Variants in RAB40C observed in about 807,000 individuals in gnomAD.
The protein encoded by RAB40C is RAB40C, member RAS oncogene family.
In RAB40C, 8 loss-of-function variants were observed where a neutral mutation model predicts 28.1. The ratio of observed to expected loss-of-function variants is 0.28; its 90% CI spans 0.17 to 0.51. The LOEUF (loss-of-function observed/expected upper bound fraction) is 0.51. Among genes scored for constraint, RAB40C ranks in the 20% least tolerant of loss-of-function variants. RAB40C has a pLI of 0.97. For missense variants in RAB40C, 288 were observed against 405.9 expected (o/e 0.71, Z 2.50); for synonymous variants, 201 against 171.7 (o/e 1.17, Z -1.34).
intron 1 of RAB40C, 35 bp downstream of exon 1, chr16:590,468 G>A (rs1211940948): frequency 1.3e-6 from 2 of 1,518,016 alleles, no homozygotes; most frequent in Non-Finnish European, 1.8e-6. Context: ...CTGCTACGCG[G>A]GGCCCGAGCC....
At chr16:603,099 T>C (rs919268189) in intron 1 of RAB40C, among the ~76,000 whole-genome samples, 1 of 152,212 alleles carries the variant, frequency 6.6e-6, no homozygotes, top group African/African-American at 2.4e-5. Flanking sequence ...CCTGTGTTTT[T>C]TGTTTTCTTA....
At chr16:624,427 A>G in intron 3 of RAB40C, 1 of 985,454 alleles carries the variant, frequency 1.0e-6, no homozygotes, top group Non-Finnish European at 1.2e-6. Flanking sequence ...CCTCAGCGAG[A>G]GGTGTCCTTC....
chr16:591,662 G>A (rs1209164033), intron 1 of RAB40C, among the ~76,000 whole-genome samples: 2 of 150,948 alleles, frequency 1.3e-5, no homozygotes, highest in Non-Finnish European at 2.9e-5. Context: ...CACAATTTCA[G>A]CTCACTGCAA....
chr16:626,933 C>T (rs2036850805), intron 5 of RAB40C, among the ~76,000 whole-genome samples: 1 of 152,176 alleles, frequency 6.6e-6, no homozygotes, highest in Admixed American at 6.5e-5. Flanking sequence ...CGAGACCCGT[C>T]TCAAAAAACA....
Position 610,955 on chromosome 16 carries a change from G to C in RAB40C, c.143-6253G>C, listed in dbSNP as rs973260620. Among the ~76,000 whole-genome samples the C allele has an allele frequency of 6.6e-6, 1 of 152,190 alleles. No homozygotes were observed. The highest frequency in any genetic ancestry group is 1.5e-5 in the Non-Finnish European group (1 of 68,046). On this transcript the variant is annotated intron_variant, in intron 1 of 5. Coordinates refer to ENST00000248139, the MANE Select transcript of RAB40C (RefSeq NM_021168.5). The surrounding 1 kb of genome is among the most constrained non-coding windows in gnomAD (Gnocchi z 4.6). ...CAAGACACTCGGCTGACTGTGCTTA[G>C]AGAACAGGCCGCTGTTTGTGTCTAA...
At chr16:622,944 CGA>C (rs1397449482) in intron 3 of RAB40C, among the ~76,000 whole-genome samples, 2 of 152,188 alleles carry the variant, frequency 1.3e-5, no homozygotes, top group African/African-American at 4.8e-5. Context: ...TGCTGGTCAC[CGA>C]GAGTCTCCTT....
At chr16:621,398 A>G (rs1370464362) in intron 3 of RAB40C, among the ~76,000 whole-genome samples, 1 of 151,854 alleles carries the variant, frequency 6.6e-6, no homozygotes, top group African/African-American at 2.4e-5. Context: ...GGGATTTGTC[A>G]CTCTGCCTCC....
chr16:592,249 T>C (rs35642938), intron 1 of RAB40C, among the ~76,000 whole-genome samples: 71,875 of 152,136 alleles, frequency 0.47, 17,425 homozygotes, highest in East Asian at 0.63. Flanking sequence ...TGCTGAATTG[T>C]CTGCCTTTGG....
At chr16:594,025 C>T (rs866475779) in intron 1 of RAB40C, among the ~76,000 whole-genome samples, 3 of 152,090 alleles carry the variant, frequency 2.0e-5, no homozygotes, top group African/African-American at 2.4e-5. Flanking sequence ...GTGGTGGGCC[C>T]GTGTTGGCCC....
At chr16:626,203 G>A (rs978194732) in intron 5 of RAB40C, 82 bp downstream of exon 5, 86 of 1,395,502 alleles carry the variant, frequency 6.2e-5, no homozygotes, top group Non-Finnish European at 8.2e-5. Context: ...GGGGCCAGGG[G>A]CCAGTGAGGG....
intron 3 of RAB40C, chr16:624,340 G>A (rs1010795289): frequency 1.0e-6 from 1 of 985,340 alleles, no homozygotes; most frequent in African/African-American, 1.7e-5. Flanking sequence ...ACCCCTGGGT[G>A]TGCATTTGTT....
In RAB40C at chr16:599,739, A is replaced by C. The variant is rs534319087; in HGVS notation, c.142+9306A>C. On this transcript the variant is annotated intron_variant, in intron 1 of 5. Coordinates refer to ENST00000248139, the MANE Select transcript of RAB40C (RefSeq NM_021168.5). ...GTGGCATCAGTCAGCGTGGATTCGC[A>C]AGGTTTTGTTCCCTCGTGGCATCAG... Among the ~76,000 whole-genome samples, 27 of 80,774 alleles carry C rather than the reference A, an allele frequency of 3.3e-4. No homozygotes were observed. The South Asian group carries it at 0.019, about 58-fold the overall frequency. The allele number at this position is 80,774 out of a possible 152,430, so 53.0% of individuals were successfully genotyped here.
chr16:621,621 C>T (rs904301929), intron 3 of RAB40C, among the ~76,000 whole-genome samples: 3 of 152,242 alleles, frequency 2.0e-5, no homozygotes, highest in Non-Finnish European at 2.9e-5. Flanking sequence ...TGATCTGAGA[C>T]GGCCCCTCTC....
chr16:626,411 T>C (rs1311038471), intron 5 of RAB40C, among the ~76,000 whole-genome samples: 1 of 152,012 alleles, frequency 6.6e-6, no homozygotes, highest in South Asian at 2.1e-4. Flanking sequence ...GTGTGGGCAG[T>C]GTGTGCTCGC....
chr16:592,776 G>A (rs188421563), intron 1 of RAB40C, among the ~76,000 whole-genome samples: 127 of 152,370 alleles, frequency 8.3e-4, no homozygotes, highest in African/African-American at 2.8e-3. Flanking sequence ...TCTGAGGGCC[G>A]GCTCAGCCAT....
chr16:613,922 C>T (rs1408265237), intron 1 of RAB40C, among the ~76,000 whole-genome samples: 1 of 152,170 alleles, frequency 6.6e-6, no homozygotes, highest in Non-Finnish European at 1.5e-5. Context: ...ACCACTGGGG[C>T]AGTGACGCAG....
chr16:600,782 A>G (rs2036232953), intron 1 of RAB40C, among the ~76,000 whole-genome samples: 1 of 152,224 alleles, frequency 6.6e-6, no homozygotes, highest in East Asian at 1.9e-4. Context: ...TTTGGTGCCT[A>G]CGTGCGTCAC....
chr16:618,387 G>A (rs1192464023), intron 3 of RAB40C, 127 bp downstream of exon 3: 3 of 994,666 alleles, frequency 3.0e-6, no homozygotes, highest in African/African-American at 3.4e-5. Flanking sequence ...TCTCACATTG[G>A]TTTGTTTATT....
intron 1 of RAB40C, among the ~76,000 whole-genome samples, chr16:604,912 AGCCTGGTGTGGTGGTGGT>A: frequency 6.6e-6 from 1 of 152,262 alleles, no homozygotes. Flanking sequence ...ATACAAAGTT[AGCCTGGTGTGGTGGTGGT>A]GCTTGTGGTC....
Sources: allele counts gnomAD v4.1 joint callset (sites outside exome capture counted in the v4.1 genomes callset), GRCh38; gene constraint gnomAD v4.1.1; non-coding constraint Gnocchi (gnomAD v3.1); transcripts MANE v1.5; gene names NCBI Gene and HGNC (gene_info 2026-07-23, HGNC 2026-07-21).